ADK: variants seen among roughly 807,000 people sequenced by gnomAD.
ADK encodes N6,N6-dimethyladenosine kinase.
A neutral mutation model predicts 44.7 loss-of-function variants in ADK; 24 were observed. The observed-to-expected ratio is 0.54, with a 90% CI of 0.39 to 0.76. The LOEUF (loss-of-function observed/expected upper bound fraction) is 0.76. Among genes scored for constraint, ADK ranks in the 30% least tolerant of loss-of-function variants. The probability of loss-of-function intolerance (pLI) is 0.00; values close to 1 mark genes in which losing one functional copy is unlikely to be tolerated. For synonymous variants in ADK, 128 were observed against 142.6 expected (o/e 0.90, Z 0.73); for missense variants, 321 against 425.1 (o/e 0.76, Z 2.15).
chr10:74,232,719 G>A (rs929646057), intron 3 of ADK, among the ~76,000 whole-genome samples: 3 of 151,988 alleles, frequency 2.0e-5, no homozygotes, highest in South Asian at 2.1e-4. Flanking sequence ...TCCACCTCCC[G>A]GGTTCACGCC....
rs368979147 is a variant in ADK, at chr10:74,656,813, A to C, written c.878-13370A>C. Among the ~76,000 whole-genome samples, 189 of 152,262 alleles carry C rather than the reference A, an allele frequency of 1.2e-3. 3 individuals are homozygous for C. The South Asian group carries it at 0.038, about 30-fold the overall frequency. On this transcript the variant is annotated intron_variant, in intron 9 of 10. Transcript: ENST00000539909. ...TTTAAGTAAATAAATAAATAATCAAATGTTAATTCAAAGTCCCACATGAGA... is the reference window on the plus strand; with the variant it reads ...TTTAAGTAAATAAATAAATAATCAACTGTTAATTCAAAGTCCCACATGAGA...
intron 4 of ADK, among the ~76,000 whole-genome samples, chr10:74,382,201 C>T (rs755915113): frequency 2.0e-5 from 3 of 152,154 alleles, no homozygotes; most frequent in Admixed American, 6.5e-5. Context: ...CAGGCTCAGG[C>T]GATCCTCTCA....
intron 7 of ADK, among the ~76,000 whole-genome samples, chr10:74,534,664 C>T (rs1441617060): frequency 1.3e-5 from 2 of 152,148 alleles, no homozygotes; most frequent in Non-Finnish European, 1.5e-5. Context: ...AATATATTCT[C>T]AATTTTTGTT....
At chr10:74,463,861 T>C (rs1041217026) in intron 6 of ADK, among the ~76,000 whole-genome samples, 2 of 152,154 alleles carry the variant, frequency 1.3e-5, no homozygotes, top group African/African-American at 4.8e-5. Flanking sequence ...AAGGTGTAAA[T>C]ATAATTAATA....
intron 2 of ADK, among the ~76,000 whole-genome samples, chr10:74,214,969 G>GA (rs1463069363): frequency 6.6e-6 from 1 of 152,146 alleles, no homozygotes; most frequent in Non-Finnish European, 1.5e-5. Flanking sequence ...TCAGAATCAG[G>GA]ATGATATTGC....
intron 9 of ADK, among the ~76,000 whole-genome samples, chr10:74,668,931 C>G (rs1242846070): frequency 1.3e-5 from 2 of 151,182 alleles, no homozygotes; most frequent in African/African-American, 4.9e-5. Context: ...GTCTGTGGTC[C>G]CAACTACACA....
chr10:74,567,999 C>G (rs1386487644), intron 7 of ADK, among the ~76,000 whole-genome samples: 1 of 152,036 alleles, frequency 6.6e-6, no homozygotes, highest in Non-Finnish European at 1.5e-5. Context: ...GCGCCAGGCC[C>G]TATTCTCTCT....
intron 3 of ADK, among the ~76,000 whole-genome samples, chr10:74,275,989 C>T (rs930223626): frequency 5.3e-5 from 8 of 152,104 alleles, no homozygotes; most frequent in African/African-American, 1.9e-4. Context: ...GAGTTTCAAC[C>T]AGCTTTAGAG....
At chr10:74,378,289 T>A (rs1259472383) in intron 4 of ADK, among the ~76,000 whole-genome samples, 2 of 152,104 alleles carry the variant, frequency 1.3e-5, no homozygotes, top group African/African-American at 4.8e-5. Context: ...TGTTTGTTTT[T>A]TAATTTTTCC....
intron 9 of ADK, among the ~76,000 whole-genome samples, chr10:74,634,883 T>G (rs1477843884): frequency 2.0e-5 from 3 of 151,958 alleles, no homozygotes; most frequent in Non-Finnish European, 4.4e-5. Flanking sequence ...AGGTAGAGGT[T>G]GCAATGAGCC....
chr10:74,363,342 G>A (rs1292502883), intron 4 of ADK, among the ~76,000 whole-genome samples: 1 of 152,148 alleles, frequency 6.6e-6, no homozygotes, highest in African/African-American at 2.4e-5. Flanking sequence ...AGAGGGGTGT[G>A]CATCGCCCTG....
intron 6 of ADK, among the ~76,000 whole-genome samples, chr10:74,488,609 C>G (rs1847357743): frequency 1.4e-5 from 2 of 140,734 alleles, no homozygotes; most frequent in South Asian, 4.5e-4. Flanking sequence ...TTCAGAAAAT[C>G]ATATTTATGT....
At chr10:74,357,092 C>A (rs748259637) in intron 4 of ADK, among the ~76,000 whole-genome samples, 1 of 152,140 alleles carries the variant, frequency 6.6e-6, no homozygotes, top group Non-Finnish European at 1.5e-5. Flanking sequence ...AACATCCATC[C>A]CTTACTGCAT....
chr10:74,319,606 G>A (rs1840742480), intron 4 of ADK, among the ~76,000 whole-genome samples: 1 of 152,176 alleles, frequency 6.6e-6, no homozygotes, highest in South Asian at 2.1e-4. Flanking sequence ...AGTGGCAGGA[G>A]GGTCTGTGGA....
At chr10:74,472,296 C>T (rs909660835) in intron 6 of ADK, among the ~76,000 whole-genome samples, 8 of 152,144 alleles carry the variant, frequency 5.3e-5, no homozygotes, top group East Asian at 1.9e-4. Context: ...TATTACCCAT[C>T]GGCTTTTCAT....
chr10:74,632,013 A>G (rs1413729237), intron 9 of ADK, among the ~76,000 whole-genome samples: 3 of 152,054 alleles, frequency 2.0e-5, no homozygotes, highest in African/African-American at 7.2e-5. Flanking sequence ...TTTAAAGTAT[A>G]CAATTCTTTT....
chr10:74,505,517 C>CTTT lies in ADK; in HGVS notation c.556-19723_556-19721dup, dbSNP rs35285709. The stretch of plus-strand genomic sequence containing the variant: ...CTTGAAACTCTTCAACTTCCCCCCA[C>CTTT]TTTTTTTTTTTTTTTTTTGCCATAT... On this transcript the variant is annotated intron_variant, in intron 6 of 10. Transcript: ENST00000539909. Among the ~76,000 whole-genome samples the CTTT allele has an allele frequency of 5.0e-4, 66 of 131,358 alleles. 1 individual carries two copies. The highest frequency in any genetic ancestry group is 1.6e-4 in the Non-Finnish European group (10 of 61,038). 86.2% of individuals were successfully genotyped at this position (131,358 alleles called of 152,430 possible).
intron 4 of ADK, among the ~76,000 whole-genome samples, chr10:74,332,722 T>G (rs192978220): frequency 7.9e-5 from 12 of 152,178 alleles, no homozygotes; most frequent in Admixed American, 2.0e-4. Context: ...ATTAGAAATA[T>G]AACTCCATTT....
At chr10:74,695,755 T>C (rs1242865076) in intron 10 of ADK, among the ~76,000 whole-genome samples, 1 of 151,720 alleles carries the variant, frequency 6.6e-6, no homozygotes, top group East Asian at 1.9e-4. Context: ...TCCTCCCACC[T>C]CAGCCTCCCA....
Sources: gnomAD v4.1 joint callset for allele counts (sites outside exome capture counted in the v4.1 genomes callset) on GRCh38, gnomAD v4.1.1 for gene constraint, MANE v1.5 for transcripts, NCBI Gene and HGNC (gene_info 2026-07-23, HGNC 2026-07-21) for gene names.